The following ERC1 variants were observed in gnomAD, a reference collection of about 807,000 sequenced individuals.
The protein encoded by ERC1 is RAB6 interacting protein 2.
ERC1 carries 56 observed loss-of-function variants against 132.0 expected under a neutral mutation model. The ratio of observed to expected loss-of-function variants is 0.42; its 90% CI spans 0.34 to 0.53. The LOEUF is 0.53. Ranked by LOEUF, ERC1 falls within the 20% of genes least tolerant of loss-of-function variation. ERC1 has a pLI of 0.03. For synonymous variants in ERC1, 478 were observed against 476.1 expected (o/e 1.00, Z -0.05); for missense variants, 1,202 against 1,349.9 (o/e 0.89, Z 1.72).
intron 12 of ERC1, among the ~76,000 whole-genome samples, chr12:1,194,961 G>A (rs1259939354): frequency 1.3e-5 from 2 of 151,540 alleles, no homozygotes; most frequent in African/African-American, 2.4e-5. Flanking sequence ...TTGGGGGCGG[G>A]GGGCAGGGTG....
intron 15 of ERC1, among the ~76,000 whole-genome samples, chr12:1,310,428 C>T (rs1274754554): frequency 2.6e-5 from 4 of 152,068 alleles, no homozygotes; most frequent in East Asian, 3.9e-4. Context: ...AGGCTCGTCT[C>T]GAACTCCTGA....
At chr12:1,203,707 GA>G (rs1454280080) in intron 12 of ERC1, among the ~76,000 whole-genome samples, 1 of 152,178 alleles carries the variant, frequency 6.6e-6, no homozygotes, top group Non-Finnish European at 1.5e-5. Flanking sequence ...TAATTACAGT[GA>G]AACTGATTAC....
chr12:1,313,928 G>C (rs1256375421), intron 15 of ERC1, among the ~76,000 whole-genome samples: 2 of 152,124 alleles, frequency 1.3e-5, no homozygotes, highest in African/African-American at 4.8e-5. Context: ...AGTTTGCTGT[G>C]AGCCCAGATC....
In ERC1 at chr12:1,408,226, T is replaced by C; in HGVS notation, c.3003T>C (p.Asn1001=). 1 of 1,613,686 alleles carries C rather than the reference T, an allele frequency of 6.2e-7. No individual in the cohort carries two copies. Among genetic ancestry groups the C allele is most frequent in the Non-Finnish European group, 8.5e-7 (1 of 1,179,788 alleles). Residue 1001 remains asparagine, a synonymous_variant, in exon 17 of 19, where the codon AAT becomes AAC. Transcript: ENST00000360905. ...AATCCTCCCATTCCAATCAAACAAA[T>C]CACAAGCCCTCCCCAGACCAGGTAA... ...HFKSSHSNQT[N]HKPSPDQIIQ...
intron 8 of ERC1, among the ~76,000 whole-genome samples, chr12:1,155,953 G>A (rs1951351770): frequency 6.6e-6 from 1 of 151,920 alleles, no homozygotes; most frequent in Non-Finnish European, 1.5e-5. Flanking sequence ...TCCTCTCAGT[G>A]CAGTTCTTTA....
In ERC1 at chr12:1,404,403, G is replaced by A. The variant is rs182190546; in HGVS notation, c.2926-3746G>A. On this transcript the variant is annotated intron_variant, in intron 16 of 18. Coordinates refer to ENST00000360905, the MANE Select transcript of ERC1 (RefSeq NM_178040.4). Reference sequence around the variant, plus strand: ...TGTTTGCAAAAAAAAAAAAAAGTATGTTATTTGCCACCAGTTTGATAATGG... The same window carrying A: ...TGTTTGCAAAAAAAAAAAAAAGTATATTATTTGCCACCAGTTTGATAATGG... 7.4e-3 allele frequency among the ~76,000 whole-genome samples: 1,111 copies of A among 149,564 alleles called. 5 individuals are homozygous for A. The highest frequency in any genetic ancestry group is 0.023 in the South Asian group (108 of 4,732).
chr12:1,225,790 A>G (rs2074531777), intron 12 of ERC1, among the ~76,000 whole-genome samples: 1 of 152,210 alleles, frequency 6.6e-6, no homozygotes, highest in Admixed American at 6.5e-5. Context: ...AAAGGTTGCC[A>G]GCACCATCTG....
chr12:1,095,056 A>G (rs912362906), intron 3 of ERC1, among the ~76,000 whole-genome samples: 2 of 152,220 alleles, frequency 1.3e-5, no homozygotes, highest in African/African-American at 2.4e-5. Flanking sequence ...CTTTTTAGTC[A>G]CACATACTTC....
intron 7 of ERC1, among the ~76,000 whole-genome samples, chr12:1,134,878 G>A (rs912659952): frequency 1.3e-4 from 19 of 151,946 alleles, no homozygotes; most frequent in Admixed American, 3.3e-4. Flanking sequence ...ACAGGCATGC[G>A]CTACCATGCC....
At chr12:1,203,327 G>T (rs1425388788) in intron 12 of ERC1, among the ~76,000 whole-genome samples, 2 of 152,130 alleles carry the variant, frequency 1.3e-5, no homozygotes, top group Non-Finnish European at 2.9e-5. Context: ...CAAAGTGCTG[G>T]GATTACAGGC....
At chr12:1,334,705 G>T (rs1244949169) in intron 15 of ERC1, among the ~76,000 whole-genome samples, 1 of 152,132 alleles carries the variant, frequency 6.6e-6, no homozygotes, top group Non-Finnish European at 1.5e-5. Context: ...GATTGCCTTG[G>T]CTGTTGGGGA....
At chr12:1,377,684 G>T (rs2088108919) in intron 16 of ERC1, among the ~76,000 whole-genome samples, 1 of 152,066 alleles carries the variant, frequency 6.6e-6, no homozygotes, top group Admixed American at 6.5e-5. Flanking sequence ...CCTTTAAATG[G>T]CTGTATATCA....
chr12:1,004,401 C>CT (rs71055118), intron 1 of ERC1, among the ~76,000 whole-genome samples: 4,366 of 94,928 alleles, frequency 0.046, 171 homozygotes, highest in Non-Finnish European at 0.053. Flanking sequence ...TTTTCTTTCT[C>CT]TTTTTTTTTT....
chr12:1,240,386 C>T (rs2075714218), intron 13 of ERC1, among the ~76,000 whole-genome samples: 1 of 152,082 alleles, frequency 6.6e-6, no homozygotes, highest in Non-Finnish European at 1.5e-5. Flanking sequence ...TAATAAAATG[C>T]TGGAAAAGAA....
chr12:1,444,899 C>A, intron 18 of ERC1, 149 bp downstream of exon 18: 1 of 549,472 alleles, frequency 1.8e-6, no homozygotes, highest in South Asian at 3.4e-5. Flanking sequence ...TGTGTAGGTT[C>A]ATGCAGTGGG....
Position 1,490,994 on chromosome 12 carries a change from G to A in ERC1, c.*764G>A, listed in dbSNP as rs79833769. The stretch of plus-strand genomic sequence containing the variant: ...GAGACTGTTGACGTTATCATACTGA[G>A]GTGTTAGATCAAATATCTCTAATTG... On this transcript the variant is annotated 3_prime_UTR_variant, in exon 19 of 19. Transcript: ENST00000360905. 9,883 of 232,816 alleles carry A rather than the reference G, an allele frequency of 0.042. 299 individuals are homozygous for A. The highest frequency in any genetic ancestry group is 0.088 in the African/African-American group (3,996 of 45,434). 14.4% of individuals were successfully genotyped at this position (232,816 alleles called of 1,614,324 possible).
intron 18 of ERC1, among the ~76,000 whole-genome samples, chr12:1,456,691 G>T (rs1407906391): frequency 1.3e-5 from 2 of 151,706 alleles, no homozygotes; most frequent in African/African-American, 4.8e-5. Flanking sequence ...AGGCCAAGGG[G>T]GAGCACACAT....
At chr12:1,062,500 GT>G (rs1184069031) in intron 2 of ERC1, among the ~76,000 whole-genome samples, 1 of 152,076 alleles carries the variant, frequency 6.6e-6, no homozygotes, top group Non-Finnish European at 1.5e-5. Context: ...AGACCCAGTG[GT>G]TTTTCAGGTG....
At chr12:1,080,981 T>C (rs1942112617) in intron 2 of ERC1, among the ~76,000 whole-genome samples, 1 of 152,160 alleles carries the variant, frequency 6.6e-6, no homozygotes, top group African/African-American at 2.4e-5. Flanking sequence ...TTTATACCCT[T>C]ATTTAAAGTA....
Sources: gnomAD v4.1 joint callset for allele counts (sites outside exome capture counted in the v4.1 genomes callset) on GRCh38, gnomAD v4.1.1 for gene constraint, MANE v1.5 for transcripts, NCBI Gene and HGNC (gene_info 2026-07-23, HGNC 2026-07-21) for gene names.